Variants in AGAP6 observed in about 807,000 individuals in gnomAD.
The protein encoded by AGAP6 is ArfGAP with GTPase domain, ankyrin repeat and PH domain 6.
A neutral mutation model predicts 63.9 loss-of-function variants in AGAP6; 29 were observed. That is an observed-to-expected ratio of 0.45 (90% CI 0.34 to 0.62). The LOEUF (loss-of-function observed/expected upper bound fraction) is 0.62, where lower values mean the gene tolerates loss of function less well. Among genes scored for constraint, AGAP6 ranks in the 20% least tolerant of loss-of-function variants. AGAP6 has a pLI of 0.01. For synonymous variants in AGAP6, 199 were observed against 332.9 expected (o/e 0.60, Z 4.38); for missense variants, 493 against 884.9 (o/e 0.56, Z 5.62).
Position 49,989,398 on chromosome 10 carries a change from C to G in AGAP6, c.292+22C>G, listed in dbSNP as rs116263751. 13,050 of 1,597,318 alleles carry G rather than the reference C, an allele frequency of 8.2e-3. 569 individuals carry two copies. In the African/African-American group the frequency reaches 0.11, roughly 14 times the overall value. On this transcript the variant is annotated intron_variant, in intron 2 of 7. Coordinates refer to ENST00000412531, the MANE Select transcript of AGAP6 (RefSeq NM_001077665.3). Reference sequence around the variant, plus strand: ...GAAGGTGAGACAACAGTGTCTGTAGCTCTATTTATTATCCTGTGGTACTTT... The same window carrying G: ...GAAGGTGAGACAACAGTGTCTGTAGGTCTATTTATTATCCTGTGGTACTTT...
chr10:50,001,449 T>C (rs1841697683), intron 4 of AGAP6, among the ~76,000 whole-genome samples: 1 of 122,784 alleles, frequency 8.1e-6, no homozygotes, highest in African/African-American at 2.8e-5. Flanking sequence ...AGACGGAGTC[T>C]CACTTTGTCT....
rs181458702 is a variant in AGAP6 at position 50,007,158 on chromosome 10, G to A, written c.534-867G>A. 1.4e-4 allele frequency among the ~76,000 whole-genome samples: 21 copies of A among 152,208 alleles called. 1 individual carries two copies. The highest frequency in any genetic ancestry group is 1.2e-3 in the Admixed American group (19 of 15,270). ...TGTAATCCCAGCACTTTGGGAGGCTGAGGCAAGCGGATTACCTGAGGTTAG... is the reference window on the plus strand; with the variant it reads ...TGTAATCCCAGCACTTTGGGAGGCTAAGGCAAGCGGATTACCTGAGGTTAG... On this transcript the variant is annotated intron_variant, in intron 6 of 7. Coordinates refer to ENST00000412531, the MANE Select transcript of AGAP6 (RefSeq NM_001077665.3).
chr10:50,009,619 G>GT lies in AGAP6; in HGVS notation c.1495dup (p.Cys499LeufsTer3). On this transcript the variant is annotated frameshift_variant, in exon 8 of 8. Coordinates refer to ENST00000412531, the MANE Select transcript of AGAP6 (RefSeq NM_001077665.3). LOFTEE classifies it high-confidence loss of function. ...CCAGTTTGAACTTGGGAGTCCTCAT[G>GT]TGTATTGAATGCTCAGGTATCCACC... 1 of 1,613,756 alleles carries GT rather than the reference G, an allele frequency of 6.2e-7. No homozygotes were observed. Among genetic ancestry groups the GT allele is most frequent in the South Asian group, 1.1e-5 (1 of 91,062 alleles).
intron 4 of AGAP6, among the ~76,000 whole-genome samples, chr10:49,995,859 G>A (rs1453464701): frequency 1.3e-5 from 2 of 152,192 alleles, no homozygotes; most frequent in African/African-American, 4.8e-5. Context: ...TCTTATTACA[G>A]TGTTGTTCTT....
intron 6 of AGAP6, among the ~76,000 whole-genome samples, chr10:50,005,127 G>C (rs1304927212): frequency 1.3e-5 from 2 of 152,054 alleles, no homozygotes; most frequent in African/African-American, 4.8e-5. Flanking sequence ...CCATGACCCA[G>C]GTTATAACAA....
intron 3 of AGAP6, among the ~76,000 whole-genome samples, chr10:49,992,249 A>G (rs1841312035): frequency 6.6e-6 from 1 of 151,982 alleles, no homozygotes; most frequent in Non-Finnish European, 1.5e-5. Flanking sequence ...AGTTCATGCT[A>G]CTCAAAAGTT....
rs1554864743 is a variant in AGAP6, at chr10:50,009,083, G to A, written c.958G>A (p.Gly320Ser). 3 of 1,613,528 alleles carry A rather than the reference G, an allele frequency of 1.9e-6. No homozygotes were observed. The highest frequency in any genetic ancestry group is 2.5e-6 in the Non-Finnish European group (3 of 1,179,922). ...CATGCTCACCTATTATTCAAGCTTA[G>A]GTGATTATATGAAGAATATTCATAA... ...NGMLTYYSSL[G>S]DYMKNIHKKE... The change falls in exon 8 of 8, where the codon GGT becomes AGT. Residue 320 changes from glycine to serine, a missense_variant. Around this residue, in one of 7 missense-constraint regions of AGAP6, gnomAD observed 342 missense variants for 533.4 expected, o/e 0.64. Coordinates refer to ENST00000412531, the MANE Select transcript of AGAP6 (RefSeq NM_001077665.3).
At chr10:49,994,708 A>ATC (rs1156678031) in intron 4 of AGAP6, among the ~76,000 whole-genome samples, 2 of 152,202 alleles carry the variant, frequency 1.3e-5, no homozygotes, top group Non-Finnish European at 1.5e-5. Context: ...AACGTCTGTA[A>ATC]TCACAACACT....
In AGAP6 at chr10:50,008,953, C is replaced by A; in HGVS notation, c.828C>A (p.Ile276=). 6.2e-7 allele frequency: 1 copy of A among 1,613,892 alleles called. No homozygotes were observed. Among genetic ancestry groups the A allele is most frequent in the South Asian group, 1.1e-5 (1 of 91,074 alleles). ...RKAPENHADT[I]GSGRAIPIKQ... Reference sequence around the variant, plus strand: ...CCCCGGAGAATCATGCTGACACCATCGGGAGCGGTAGAGCCATCCCCATTA... The same window carrying A: ...CCCCGGAGAATCATGCTGACACCATAGGGAGCGGTAGAGCCATCCCCATTA... The change falls in exon 8 of 8, where the codon ATC becomes ATA. Residue 276 remains isoleucine (I), a synonymous_variant. Coordinates refer to ENST00000412531, the MANE Select transcript of AGAP6 (RefSeq NM_001077665.3).
intron 6 of AGAP6, 78 bp downstream of exon 6, chr10:50,004,798 T>C: frequency 1.6e-6 from 1 of 616,404 alleles, no homozygotes; most frequent in Non-Finnish European, 2.9e-6. Context: ...AGGTCACAGC[T>C]CTAGACATCA....
In AGAP6 at chr10:49,996,390, C is replaced by T. The variant is rs2132131645; in HGVS notation, c.396+1961C>T. 2.0e-5 allele frequency among the ~76,000 whole-genome samples: 3 copies of T among 152,220 alleles called. 1 individual carries two copies. In the South Asian group the frequency reaches 6.2e-4, roughly 32 times the overall value. ...AAGCAGGATTTCTGTTAACTGATAG[C>T]ATCAGTGTGAGGCCTTAGAAGCCTG... On this transcript the variant is annotated intron_variant, in intron 4 of 7. Transcript: ENST00000412531.
At chr10:49,991,308 T>C (rs1406503837) in intron 2 of AGAP6, among the ~76,000 whole-genome samples, 4 of 151,968 alleles carry the variant, frequency 2.6e-5, no homozygotes, top group Non-Finnish European at 5.9e-5. Flanking sequence ...ACCTGTCTTT[T>C]AAAACTTACT....
Position 49,988,882 on chromosome 10 carries a change from T to C in AGAP6, c.167T>C (p.Val56Ala). 6.3e-7 allele frequency: 1 copy of C among 1,599,686 alleles called. No individual in the cohort carries two copies. The highest frequency in any genetic ancestry group is 1.7e-5 in the Admixed American group (1 of 59,948). The change falls in exon 1 of 8, where the codon GTT becomes GCT. Residue 56 changes from valine (V) to alanine (A), a missense_variant. By Grantham distance (64) the Val-to-Ala change is moderately conservative (BLOSUM62 0). Around this residue, in one of 7 missense-constraint regions of AGAP6, gnomAD observed 342 missense variants for 533.4 expected, o/e 0.64. Coordinates refer to ENST00000412531, the MANE Select transcript of AGAP6 (RefSeq NM_001077665.3). ...GCTGTACAGCCTGCTGAGGTGACTGTTGAAGTTGGTGAGGACCTCCACATG... is the reference window on the plus strand; with the variant it reads ...GCTGTACAGCCTGCTGAGGTGACTGCTGAAGTTGGTGAGGACCTCCACATG... ...AAAVQPAEVT[V>A]EVGEDLHMHH...
chr10:49,999,308 A>G (rs1428561214), intron 4 of AGAP6, among the ~76,000 whole-genome samples: 2 of 136,150 alleles, frequency 1.5e-5, no homozygotes, highest in Non-Finnish European at 3.1e-5. Context: ...ATGGATTAAC[A>G]TACACAAGTC....
At chr10:49,993,681 A>G (rs1346860853) in intron 3 of AGAP6, among the ~76,000 whole-genome samples, 4 of 152,090 alleles carry the variant, frequency 2.6e-5, no homozygotes, top group African/African-American at 9.7e-5. Context: ...TTAGCTAGGC[A>G]TGGTGGCATG....
At chr10:50,001,202 C>T (rs1249260934) in intron 4 of AGAP6, among the ~76,000 whole-genome samples, 4 of 147,292 alleles carry the variant, frequency 2.7e-5, no homozygotes, top group African/African-American at 5.0e-5. Flanking sequence ...TGGTGGTGGG[C>T]GCCTGTAGTC....
intron 3 of AGAP6, among the ~76,000 whole-genome samples, chr10:49,992,719 C>T (rs1564706807): frequency 6.6e-6 from 1 of 151,152 alleles, no homozygotes; most frequent in Non-Finnish European, 1.5e-5. Flanking sequence ...TGGTTCCACA[C>T]GGTGAAAGAG....
chr10:50,004,197 C>CAA (rs1179708288), intron 5 of AGAP6, among the ~76,000 whole-genome samples: 1 of 147,540 alleles, frequency 6.8e-6, no homozygotes, highest in African/African-American at 2.5e-5. Flanking sequence ...CCCACCCCCC[C>CAA]AAAAAAAAAT....
In AGAP6 at chr10:50,003,902, C is replaced by T. The variant is rs577714446; in HGVS notation, c.498-783C>T. Among the ~76,000 whole-genome samples the T allele has an allele frequency of 2.6e-5, 4 of 152,342 alleles. No individual in the cohort carries two copies. The East Asian group carries it at 7.7e-4, about 29-fold the overall frequency. Reference sequence around the variant, plus strand: ...AAAATTATTTCAGAGATGAAAACTACTTGAAGCACTATAGACATATCCATC... The same window carrying T: ...AAAATTATTTCAGAGATGAAAACTATTTGAAGCACTATAGACATATCCATC... On this transcript the variant is annotated intron_variant, in intron 5 of 7. Coordinates refer to ENST00000412531, the MANE Select transcript of AGAP6 (RefSeq NM_001077665.3).
Sources: gnomAD v4.1 joint callset for allele counts (sites outside exome capture counted in the v4.1 genomes callset) on GRCh38, gnomAD v4.1.1 for gene constraint, gnomAD v4.1.1 regional missense constraint, MANE v1.5 for transcripts, NCBI Gene and HGNC (gene_info 2026-07-23, HGNC 2026-07-21) for gene names.